Variants in OARD1 observed in about 807,000 individuals in gnomAD.
OARD1 encodes O-acyl-ADP-ribose deacylase 1.
Under a neutral mutation model 19.7 loss-of-function variants are expected in OARD1, and 19 were observed. The ratio of observed to expected loss-of-function variants is 0.96; its 90% CI spans 0.67 to 1.41. The LOEUF (loss-of-function observed/expected upper bound fraction) is 1.41, where lower values mean the gene tolerates loss of function less well. OARD1 is among the 40% of genes most tolerant of loss of function. The pLI is 0.00. For missense variants in OARD1, 190 were observed against 183.8 expected (o/e 1.03, Z -0.20); for synonymous variants, 70 against 61.8 (o/e 1.13, Z -0.62).
At chr6:41,073,394 A>AGGTTCTCAGGCCCC (rs1297549822), upstream of OARD1, among the ~76,000 whole-genome samples, 1 of 151,694 alleles carries the variant, frequency 6.6e-6, no homozygotes, top group Non-Finnish European at 1.5e-5. Flanking sequence ...ACTCAGGCCC[A>AGGTTCTCAGGCCCC]GGTTCTCAGG....
At chr6:41,083,691 C>T (rs990797021) in intron 1 of OARD1, among the ~76,000 whole-genome samples, 3 of 152,226 alleles carry the variant, frequency 2.0e-5, no homozygotes, top group African/African-American at 4.8e-5. Context: ...CTCCAGCCTT[C>T]ACTACAGACC....
rs1377485647 is a variant in OARD1 at position 41,068,948 on chromosome 6, T to C, written c.249A>G (p.Thr83=). The change falls in exon 5 of 6, where the codon ACA becomes ACG. Residue 83 remains threonine, a synonymous_variant. Transcript: ENST00000424266. ...TTGGCTTGTGCGAAGCCCTTTTCTTTGTAATCTGAACACAAAGGATTCAAA... is the reference window on the plus strand; with the variant it reads ...TTGGCTTGTGCGAAGCCCTTTTCTTCGTAATCTGAACACAAAGGATTCAAA... ...RDGRYIYYLI[T]KKRASHKPTY... 1.9e-6 allele frequency: 3 copies of C among 1,581,052 alleles called. No individual in the cohort carries two copies. Among genetic ancestry groups the C allele is most frequent in the Non-Finnish European group, 2.6e-6 (3 of 1,157,144 alleles).
intron 5 of OARD1, among the ~76,000 whole-genome samples, chr6:41,068,325 C>T (rs1763130825): frequency 6.6e-6 from 1 of 152,158 alleles, no homozygotes; most frequent in African/African-American, 2.4e-5. Flanking sequence ...TTCCCAATAG[C>T]TAAAGTCTAA....
chr6:41,075,261 A>G (rs1582018541), upstream of OARD1: 1 of 152,284 alleles, frequency 6.6e-6, no homozygotes, highest in East Asian at 1.9e-4. Flanking sequence ...ATCGTAGCTC[A>G]CTAACCTGGA....
At chr6:41,089,275 C>T (rs1277515479) in intron 1 of OARD1, among the ~76,000 whole-genome samples, 1 of 152,210 alleles carries the variant, frequency 6.6e-6, no homozygotes, top group African/African-American at 2.4e-5. Context: ...TGAGCCACCA[C>T]ACCCAGCCCA....
chr6:41,076,857 A>G (rs553000253), upstream of OARD1, among the ~76,000 whole-genome samples: 1 of 152,220 alleles, frequency 6.6e-6, no homozygotes, highest in East Asian at 1.9e-4. Flanking sequence ...TACTGAAGCC[A>G]GTTGCTTATA....
At chr6:41,088,423 CAAA>C (rs34590854) in intron 1 of OARD1, among the ~76,000 whole-genome samples, 12 of 64,712 alleles carry the variant, frequency 1.9e-4, no homozygotes, top group African/African-American at 4.4e-4. Context: ...ACTCCGTCTC[CAAA>C]AAAAAAAAAA....
chr6:41,090,334 A>C (rs1173910513), intron 1 of OARD1: 12 of 1,565,532 alleles, frequency 7.7e-6, no homozygotes, highest in African/African-American at 1.4e-5. Context: ...AAGCTTCCCT[A>C]GGACTTTTTG....
intron 1 of OARD1, among the ~76,000 whole-genome samples, chr6:41,079,825 T>C (rs760089513): frequency 6.6e-6 from 1 of 152,208 alleles, no homozygotes; most frequent in Non-Finnish European, 1.5e-5. Context: ...AAGATTGATA[T>C]TTTGGAAATA....
At chr6:41,089,199 G>A (rs1764131192) in intron 1 of OARD1, among the ~76,000 whole-genome samples, 1 of 152,140 alleles carries the variant, frequency 6.6e-6, no homozygotes, top group Admixed American at 6.5e-5. Context: ...GGCCAGGCTG[G>A]TCTCGAACTC....
At chr6:41,084,994 A>G (rs1335520437) in intron 1 of OARD1, among the ~76,000 whole-genome samples, 4 of 152,244 alleles carry the variant, frequency 2.6e-5, no homozygotes, top group Non-Finnish European at 4.4e-5. Flanking sequence ...AAATATGTAG[A>G]AATGTTACAT....
At position 41,067,046 on chromosome 6, in the gene OARD1, T is replaced by C. The variant is rs1763044992; in HGVS notation, c.*289A>G. 1 of 194,096 alleles carries C rather than the reference T, an allele frequency of 5.2e-6. No homozygotes were observed. The highest frequency in any genetic ancestry group is 1.1e-5 in the Non-Finnish European group (1 of 94,098). The allele number at this position is 194,096 out of a possible 1,614,324, so 12.0% of individuals were successfully genotyped here. A position where few individuals can be genotyped will look rare whatever the true frequency, so the allele number is the denominator to read the frequency against. On this transcript the variant is annotated 3_prime_UTR_variant, in exon 6 of 6. Coordinates refer to ENST00000424266, the MANE Select transcript of OARD1 (RefSeq NM_001329686.2). ...CTAGTGGCCAGCCAAACAAATCAGG[T>C]AGCATACTGGAGAAAAAGGTCATAG... is the stretch of plus-strand genomic sequence containing the variant.
At chr6:41,090,756 G>A (rs937229540) in intron 1 of OARD1, among the ~76,000 whole-genome samples, 20 of 152,152 alleles carry the variant, frequency 1.3e-4, no homozygotes, top group African/African-American at 4.1e-4. Context: ...TAAGAAAGAC[G>A]TGAACAAATA....
intron 1 of OARD1, among the ~76,000 whole-genome samples, chr6:41,094,951 C>T (rs1222145558): frequency 6.6e-6 from 1 of 152,182 alleles, no homozygotes; most frequent in Non-Finnish European, 1.5e-5. Context: ...TTTATTACCC[C>T]ATCACAAATA....
chr6:41,082,598 A>G (rs1763939722), intron 1 of OARD1, among the ~76,000 whole-genome samples: 1 of 152,352 alleles, frequency 6.6e-6, no homozygotes. Context: ...TCCTACTTAC[A>G]TAGATTTTAT....
intron 1 of OARD1, chr6:41,071,984 T>C (rs1254665687): frequency 5.8e-6 from 2 of 344,324 alleles, no homozygotes; most frequent in East Asian, 1.1e-4. Context: ...CAAGGCCGAT[T>C]TAGGACGGTC....
chr6:41,065,879 A>C lies in OARD1; in HGVS notation c.*1456T>G, dbSNP rs1762987170. On this transcript the variant is annotated 3_prime_UTR_variant, in exon 6 of 6. Coordinates refer to ENST00000424266, the MANE Select transcript of OARD1 (RefSeq NM_001329686.2). ...CACTCTAGGGAGAAAATCAATAGCA[A>C]GTCTGGCTGTTTTAACTCTCAACAC... 6.6e-6 allele frequency: 1 copy of C among 152,238 alleles called. No homozygotes were observed. Among genetic ancestry groups the C allele is most frequent in the African/African-American group, 2.4e-5 (1 of 41,458 alleles). 9.4% of individuals were successfully genotyped at this position (152,238 alleles called of 1,614,324 possible). A position where few individuals can be genotyped will look rare whatever the true frequency, so the allele number is the denominator to read the frequency against.
chr6:41,068,450 G>C (rs1247632514), intron 5 of OARD1, among the ~76,000 whole-genome samples: 1 of 152,236 alleles, frequency 6.6e-6, no homozygotes, highest in East Asian at 1.9e-4. Flanking sequence ...ATAGGTTTGG[G>C]AGATGGGAAG....
chr6:41,096,046 C>G (rs1470300556), intron 1 of OARD1, among the ~76,000 whole-genome samples: 1 of 152,204 alleles, frequency 6.6e-6, no homozygotes, highest in African/African-American at 2.4e-5. Context: ...CCAGTCTCCT[C>G]TAATTGGCCT....
Sources: gnomAD v4.1 joint callset for allele counts (sites outside exome capture counted in the v4.1 genomes callset) on GRCh38, gnomAD v4.1.1 for gene constraint, MANE v1.5 for transcripts, NCBI Gene and HGNC (gene_info 2026-07-23, HGNC 2026-07-21) for gene names.